The following MRPS28 variants were observed in gnomAD, a reference collection of about 807,000 sequenced individuals.
The protein encoded by MRPS28 is small ribosomal subunit protein bS1m.
A neutral mutation model predicts 10.8 loss-of-function variants in MRPS28; 7 were observed. The observed-to-expected ratio is 0.65, with a 90% CI of 0.37 to 1.22. MRPS28 has a LOEUF of 1.22. Among genes scored for constraint, MRPS28 ranks in the 50% most tolerant of loss-of-function variants. The pLI is 0.02. For missense variants in MRPS28, 265 were observed against 232.9 expected, an observed-to-expected ratio of 1.14 and a Z score of -0.90; for synonymous variants, 121 against 93.3, an observed-to-expected ratio of 1.30 and a Z score of -1.71.
At chr8:80,026,302 C>A (rs1246226358) in intron 1 of MRPS28, among the ~76,000 whole-genome samples, 5 of 152,202 alleles carry the variant, frequency 3.3e-5, no homozygotes, top group Non-Finnish European at 7.4e-5. Context: ...ACACTGAAAA[C>A]TTCCAGTAAA....
intron 2 of MRPS28, among the ~76,000 whole-genome samples, chr8:79,929,172 G>T (rs1368169386): frequency 6.6e-6 from 1 of 152,148 alleles, no homozygotes; most frequent in Non-Finnish European, 1.5e-5. Context: ...AACTACATAA[G>T]TACAGAAAAG....
intron 1 of MRPS28, among the ~76,000 whole-genome samples, chr8:80,004,431 T>C (rs1384276598): frequency 6.6e-6 from 1 of 152,218 alleles, no homozygotes; most frequent in African/African-American, 2.4e-5. Flanking sequence ...GGGTCCTGAC[T>C]GTTAGAAAGA....
chr8:79,969,268 C>G (rs1807572450), intron 2 of MRPS28, among the ~76,000 whole-genome samples: 1 of 152,076 alleles, frequency 6.6e-6, no homozygotes, highest in Non-Finnish European at 1.5e-5. Context: ...AGAAAAAAAG[C>G]CATTTATGTG....
chr8:79,965,534 G>A (rs928907990), intron 2 of MRPS28, among the ~76,000 whole-genome samples: 2 of 151,976 alleles, frequency 1.3e-5, no homozygotes, highest in African/African-American at 2.4e-5. Context: ...CTTAAGGTAC[G>A]TCCTTTTATC....
intron 2 of MRPS28, among the ~76,000 whole-genome samples, chr8:79,986,430 T>C (rs1478549949): frequency 6.6e-6 from 1 of 152,132 alleles, no homozygotes; most frequent in Non-Finnish European, 1.5e-5. Context: ...GCCAGGGCAA[T>C]TAGGCAGGAG....
At chr8:79,989,816 A>G (rs1472445784) in intron 2 of MRPS28, among the ~76,000 whole-genome samples, 2 of 152,264 alleles carry the variant, frequency 1.3e-5, no homozygotes, top group East Asian at 3.9e-4. Context: ...TCCACAACCT[A>G]ATTTCTCATA....
intron 1 of MRPS28, among the ~76,000 whole-genome samples, chr8:80,013,634 CAAA>C (rs5892700): frequency 7.9e-5 from 6 of 75,622 alleles, no homozygotes; most frequent in Non-Finnish European, 1.3e-4. Flanking sequence ...GACTCCATCT[CAAA>C]AAAAAAAAAA....
At chr8:79,954,709 C>T (rs769216945) in intron 2 of MRPS28, among the ~76,000 whole-genome samples, 3 of 152,184 alleles carry the variant, frequency 2.0e-5, no homozygotes, top group Non-Finnish European at 4.4e-5. Context: ...CTCTTGAAAA[C>T]TTTGTGGGCT....
At chr8:79,971,455 T>C (rs1314375655) in intron 2 of MRPS28, among the ~76,000 whole-genome samples, 1 of 152,170 alleles carries the variant, frequency 6.6e-6, no homozygotes, top group South Asian at 2.1e-4. Flanking sequence ...TTAACATTTG[T>C]ATCACCCCCA....
chr8:79,999,133 T>C (rs915754871), intron 2 of MRPS28, among the ~76,000 whole-genome samples: 2 of 152,210 alleles, frequency 1.3e-5, no homozygotes, highest in African/African-American at 4.8e-5. Context: ...CAATTTAAAA[T>C]GTACCAAAGC....
At chr8:79,986,192 T>C (rs1053098266) in intron 2 of MRPS28, among the ~76,000 whole-genome samples, 7 of 152,168 alleles carry the variant, frequency 4.6e-5, no homozygotes, top group Non-Finnish European at 1.0e-4. Flanking sequence ...ATTATCTCAA[T>C]AGATGCAGAA....
intron 2 of MRPS28, among the ~76,000 whole-genome samples, chr8:79,984,721 C>G (rs1808099659): frequency 6.6e-6 from 1 of 152,240 alleles, no homozygotes. Context: ...ACAAGAAGAG[C>G]TAACTATCCT....
At chr8:79,944,974 C>A (rs1055648922) in intron 2 of MRPS28, among the ~76,000 whole-genome samples, 1 of 152,134 alleles carries the variant, frequency 6.6e-6, no homozygotes, top group Admixed American at 6.5e-5. Flanking sequence ...GGATTACAGG[C>A]ATGAGCCACC....
At chr8:80,003,729 T>C (rs1341452602) in intron 1 of MRPS28, among the ~76,000 whole-genome samples, 1 of 152,146 alleles carries the variant, frequency 6.6e-6, no homozygotes, top group Non-Finnish European at 1.5e-5. Context: ...GGGAATTCCC[T>C]TTCCTAGCCA....
intron 2 of MRPS28, among the ~76,000 whole-genome samples, chr8:79,982,755 A>G (rs1808004073): frequency 6.6e-6 from 1 of 152,218 alleles, no homozygotes; most frequent in South Asian, 2.1e-4. Context: ...TAAACAAAGC[A>G]GCCGGGAAGC....
intron 2 of MRPS28, among the ~76,000 whole-genome samples, chr8:79,922,080 C>T (rs985228462): frequency 3.3e-5 from 5 of 152,004 alleles, no homozygotes; most frequent in East Asian, 3.9e-4. Flanking sequence ...TGCTGGATTA[C>T]GTTTATTGAT....
intron 1 of MRPS28, among the ~76,000 whole-genome samples, chr8:80,023,741 AAG>A (rs1383991042): frequency 6.6e-6 from 1 of 152,364 alleles, no homozygotes; most frequent in Middle Eastern, 3.4e-3. Flanking sequence ...CTCTACTGCT[AAG>A]AGTCATAAAG....
At position 79,919,098 on chromosome 8, in the gene MRPS28, A is replaced by T; in HGVS notation, c.446T>A (p.Leu149His). The T allele has an allele frequency of 6.2e-7, 1 of 1,609,942 alleles. No homozygotes were observed. The highest frequency in any genetic ancestry group is 1.3e-5 in the African/African-American group (1 of 74,912). Residue 149 changes from leucine (L) to histidine (H), a missense_variant, in exon 3 of 3, where the codon CTT (leucine) becomes CAT (histidine). Coordinates refer to ENST00000276585, the MANE Select transcript of MRPS28 (RefSeq NM_014018.3). Reference protein sequence around the residue: ...RVRLRLLDLELTSRFLGATTD... With the variant: ...RVRLRLLDLEHTSRFLGATTD... Reference sequence around the variant, plus strand: ...TGTTGCTCCCAGGAACCTAGACGTAAGTTCAAGATCTAATAGCCGCAACCG... The same window carrying T: ...TGTTGCTCCCAGGAACCTAGACGTATGTTCAAGATCTAATAGCCGCAACCG...
intron 2 of MRPS28, 41 bp from the exon 3 acceptor site, chr8:79,919,189 T>C (rs1237703064): frequency 1.4e-6 from 2 of 1,467,290 alleles, no homozygotes; most frequent in Non-Finnish European, 1.8e-6. Flanking sequence ...ATTCTGAATA[T>C]CATAACATGA....
Sources: gnomAD v4.1 joint callset for allele counts (sites outside exome capture counted in the v4.1 genomes callset) on GRCh38, gnomAD v4.1.1 for gene constraint, MANE v1.5 for transcripts, NCBI Gene and HGNC (gene_info 2026-07-23, HGNC 2026-07-21) for gene names.